TRPC5: variants seen among roughly 807,000 people sequenced by gnomAD.
TRPC5 encodes the protein transient receptor potential cation channel subfamily C member 5, also known as short transient receptor potential channel 5.
Under a neutral mutation model 56.5 loss-of-function variants are expected in TRPC5, and 9 were observed. The ratio of observed to expected loss-of-function variants is 0.16; its 90% CI spans 0.10 to 0.28. The LOEUF (loss-of-function observed/expected upper bound fraction) is 0.28. Ranked by LOEUF, TRPC5 falls within the 10% of genes least tolerant of loss-of-function variation. The pLI, the probability that TRPC5 is intolerant of heterozygous loss-of-function variation, is 1.00. For synonymous variants in TRPC5, 282 were observed against 278.5 expected (o/e 1.01, Z -0.13); for missense variants, 469 against 748.9 (o/e 0.63, Z 4.36).
At chrX:111,906,400 T>C (rs146703960) in intron 3 of TRPC5, among the ~76,000 whole-genome samples, 11 of 111,048 alleles carry the variant, frequency 9.9e-5, no homozygotes, top group Non-Finnish European at 1.7e-4. Context: ...AAATCTGTTG[T>C]TGAACGCGTG....
chrX:112,057,333 T>TC (rs34765917), intron 1 of TRPC5, among the ~76,000 whole-genome samples: 13 of 111,649 alleles, frequency 1.2e-4, no homozygotes, highest in African/African-American at 3.9e-4. Flanking sequence ...TGACTTTCTC[T>TC]TTAAACCTCA....
chrX:111,931,549 C>T (rs1926416676), intron 2 of TRPC5, among the ~76,000 whole-genome samples: 1 of 112,045 alleles, frequency 8.9e-6, no homozygotes, highest in Non-Finnish European at 1.9e-5. Context: ...ACATTGAAAC[C>T]CTTCCTTCCC....
Position 111,774,130 on chromosome X carries a change from T to C in TRPC5, c.*2183A>G, listed in dbSNP as rs1439940698. 1.8e-5 allele frequency among the ~76,000 whole-genome samples: 2 copies of C among 111,950 alleles called. No individual in the cohort carries two copies. The highest frequency in any genetic ancestry group is 1.9e-5 in the Non-Finnish European group (1 of 53,149). ...AATAGTAGAGATTGATTTACACATA[T>C]TATCTCTTTAGAACGTAAGTGACAG... On this transcript the variant is annotated 3_prime_UTR_variant, in exon 11 of 11. Transcript: ENST00000262839.
chrX:111,868,053 TAAC>T (rs1295931240), intron 3 of TRPC5, among the ~76,000 whole-genome samples: 2 of 112,283 alleles, frequency 1.8e-5, no homozygotes, highest in East Asian at 2.8e-4. Context: ...ATAGTAATAA[TAAC>T]AACATCTAAC....
At chrX:111,973,498 A>G (rs1372656830) in intron 1 of TRPC5, among the ~76,000 whole-genome samples, 1 of 111,627 alleles carries the variant, frequency 9.0e-6, no homozygotes, top group Non-Finnish European at 1.9e-5. Context: ...TATATTTGTT[A>G]GGGTAGCTTA....
intron 7 of TRPC5, among the ~76,000 whole-genome samples, chrX:111,787,886 G>T (rs1403689079): frequency 1.8e-5 from 2 of 111,025 alleles, no homozygotes; most frequent in Non-Finnish European, 3.8e-5. Flanking sequence ...CTCTGAATAG[G>T]TCAATAACAG....
At chrX:112,027,231 A>G (rs1929436900) in intron 1 of TRPC5, among the ~76,000 whole-genome samples, 2 of 112,133 alleles carry the variant, frequency 1.8e-5, no homozygotes, top group South Asian at 7.4e-4. Flanking sequence ...ATATAATTTG[A>G]AAAATAGATC....
intron 9 of TRPC5, among the ~76,000 whole-genome samples, chrX:111,779,898 A>G (rs1182274584): frequency 3.6e-5 from 4 of 110,188 alleles, no homozygotes; most frequent in Non-Finnish European, 7.6e-5. Context: ...TGCAGGAATC[A>G]TTTTTTTTTG....
chrX:111,890,048 T>C (rs763813939), intron 3 of TRPC5, among the ~76,000 whole-genome samples: 1 of 111,797 alleles, frequency 8.9e-6, no homozygotes, highest in South Asian at 3.8e-4. Context: ...GCCCTCTGTA[T>C]TGTGGGTTCT....
intron 5 of TRPC5, among the ~76,000 whole-genome samples, chrX:111,847,786 C>T (rs1274661843): frequency 3.6e-5 from 4 of 111,823 alleles, no homozygotes; most frequent in African/African-American, 1.3e-4. Flanking sequence ...AACAGAGGCA[C>T]TAGTATGCCC....
At chrX:111,989,245 T>C (rs1222497545) in intron 1 of TRPC5, among the ~76,000 whole-genome samples, 1 of 111,802 alleles carries the variant, frequency 8.9e-6, no homozygotes, top group Admixed American at 9.5e-5. Context: ...AAGCTGTAAG[T>C]TGGAAAGAAA....
chrX:111,875,084 G>A (rs1204105528), intron 3 of TRPC5, among the ~76,000 whole-genome samples: 3 of 111,954 alleles, frequency 2.7e-5, no homozygotes, highest in Non-Finnish European at 5.6e-5. Context: ...ATCCTCCTCT[G>A]TAAAATGAGA....
intron 3 of TRPC5, among the ~76,000 whole-genome samples, chrX:111,907,352 C>T (rs1332098815): frequency 1.8e-5 from 2 of 111,221 alleles, no homozygotes; most frequent in Non-Finnish European, 3.8e-5. Flanking sequence ...ATAGGACTGG[C>T]GCGGTGGCTC....
chrX:111,982,927 C>A (rs951671718), intron 1 of TRPC5, among the ~76,000 whole-genome samples: 1 of 111,028 alleles, frequency 9.0e-6, no homozygotes, highest in Non-Finnish European at 1.9e-5. Flanking sequence ...TGATTCAGAG[C>A]ATATAGACCC....
chrX:112,003,374 G>A (rs142713154), intron 1 of TRPC5, among the ~76,000 whole-genome samples: 60 of 111,090 alleles, frequency 5.4e-4, no homozygotes, highest in Admixed American at 2.1e-3. Flanking sequence ...GGAGTTAAAT[G>A]ATCCATCAGA....
intron 7 of TRPC5, among the ~76,000 whole-genome samples, chrX:111,804,238 G>T (rs1396374788): frequency 8.9e-6 from 1 of 112,169 alleles, no homozygotes; most frequent in African/African-American, 3.2e-5. Flanking sequence ...GTGCTATGCT[G>T]TTTTGGTTTC....
At chrX:111,840,834 G>A (rs754878719) in intron 6 of TRPC5, among the ~76,000 whole-genome samples, 9 of 112,437 alleles carry the variant, frequency 8.0e-5, no homozygotes, top group African/African-American at 1.3e-4. Flanking sequence ...GTTCATTTGC[G>A]TTCCCCATTA....
intron 3 of TRPC5, among the ~76,000 whole-genome samples, chrX:111,869,919 A>T (rs372369110): frequency 8.9e-6 from 1 of 112,104 alleles, no homozygotes; most frequent in East Asian, 2.8e-4. Flanking sequence ...AAAGCCAAGT[A>T]AGAAATCATA....
intron 1 of TRPC5, among the ~76,000 whole-genome samples, chrX:111,954,447 G>A (rs1262111691): frequency 9.0e-6 from 1 of 111,707 alleles, no homozygotes; most frequent in Non-Finnish European, 1.9e-5. Context: ...GAAAGTGTGG[G>A]GGCAGTCCAG....
Sources: gnomAD v4.1 joint callset for allele counts (sites outside exome capture counted in the v4.1 genomes callset) on GRCh38, gnomAD v4.1.1 for gene constraint, MANE v1.5 for transcripts, NCBI Gene and HGNC (gene_info 2026-07-23, HGNC 2026-07-21) for gene names.